Variants in HEATR5B observed in about 807,000 individuals in gnomAD.
HEATR5B encodes HEAT repeat containing 5B.
HEATR5B carries 156 observed loss-of-function variants against 224.1 expected under a neutral mutation model. That is an observed-to-expected ratio of 0.70 (90% confidence interval 0.61 to 0.80). The LOEUF (loss-of-function observed/expected upper bound fraction) is 0.80. Among genes scored for constraint, HEATR5B ranks in the 30% least tolerant of loss-of-function variants. HEATR5B has a pLI of 0.00. For synonymous variants in HEATR5B, 1,027 were observed against 893.0 expected (o/e 1.15, Z -2.68); for missense variants, 2,323 against 2,535.5 (o/e 0.92, Z 1.80).
chr2:36,987,701 G>C (rs1357566331), intron 35 of HEATR5B, among the ~76,000 whole-genome samples: 1 of 151,830 alleles, frequency 6.6e-6, no homozygotes, highest in Non-Finnish European at 1.5e-5. Context: ...ATTATGTTTG[G>C]TATTAATACT....
At chr2:37,072,399 T>C in intron 5 of HEATR5B, 118 bp from the exon 6 acceptor site, 1 of 640,014 alleles carries the variant, frequency 1.6e-6, no homozygotes, top group Non-Finnish European at 2.6e-6. Context: ...ACAAAATAAA[T>C]GAAACAACAG....
intron 18 of HEATR5B, among the ~76,000 whole-genome samples, chr2:37,043,679 A>G (rs1346145626): frequency 6.6e-6 from 1 of 152,206 alleles, no homozygotes. Context: ...CTTCATTGAC[A>G]TGGTTAAATT....
intron 31 of HEATR5B, 146 bp downstream of exon 31, chr2:37,003,396 A>G: frequency 1.8e-6 from 1 of 552,012 alleles, no homozygotes; most frequent in Non-Finnish European, 3.1e-6. Flanking sequence ...TAATCACATC[A>G]TTGCGCTCCA....
In HEATR5B at chr2:37,064,916, G is replaced by A. The variant is rs1258207580; in HGVS notation, c.1408C>T (p.Arg470Cys). 5 of 1,614,068 alleles carry A rather than the reference G, an allele frequency of 3.1e-6. No homozygotes were observed. Among genetic ancestry groups the A allele is most frequent in the East Asian group, 2.2e-5 (1 of 44,882 alleles). Residue 470 changes from arginine to cysteine, a missense_variant, in exon 10 of 36, where the codon CGC (arginine) becomes TGC (cysteine). Physicochemically the swap from Arg to Cys is radical, Grantham distance 180. This residue lies in a region of HEATR5B where 502 missense variants were observed against 517.8 expected (regional missense o/e 0.97). Coordinates refer to ENST00000233099, the MANE Select transcript of HEATR5B (RefSeq NM_019024.3). ...AAAGGTAATGCCACAGCCACACAGC[G>A]CAAACACCATGCAGCAGCAAGTCGG... is the stretch of plus-strand genomic sequence containing the variant. ...AARLAAAWCL[R>C]CVAVALPFQL...
chr2:36,983,856 G>A (rs1665750109), intron 35 of HEATR5B, among the ~76,000 whole-genome samples: 1 of 151,924 alleles, frequency 6.6e-6, no homozygotes, highest in Non-Finnish European at 1.5e-5. Context: ...TCAATAGTAG[G>A]TTTTCAACAG....
At chr2:37,083,853 TG>T (rs1289536999) in intron 1 of HEATR5B, among the ~76,000 whole-genome samples, 1 of 152,220 alleles carries the variant, frequency 6.6e-6, no homozygotes, top group Non-Finnish European at 1.5e-5. Context: ...CCTCCCGCGC[TG>T]CACCTGGCCA....
chr2:36,990,787 G>C lies in HEATR5B; in HGVS notation c.5558C>G (p.Pro1853Arg), dbSNP rs1287326763. The C allele has an allele frequency of 1.3e-6, 2 of 1,561,938 alleles. No individual in the cohort carries two copies. Among genetic ancestry groups the C allele is most frequent in the Non-Finnish European group, 1.7e-6 (2 of 1,154,780 alleles). Residue 1853 changes from proline to arginine, a missense_variant, in exon 34 of 36, where the codon CCT becomes CGT. Coordinates refer to ENST00000233099, the MANE Select transcript of HEATR5B (RefSeq NM_019024.3). ...LEYSQPEDSV[P>R]TPDEVSMLTA... Reference sequence around the variant, plus strand: ...TAGCATGCTTACTTCATCAGGTGTAGGTACAGAGTCTTCTGAAAATGAAAA... The same window carrying C: ...TAGCATGCTTACTTCATCAGGTGTACGTACAGAGTCTTCTGAAAATGAAAA...
At chr2:36,984,859 C>G (rs1371517300) in intron 35 of HEATR5B, among the ~76,000 whole-genome samples, 1 of 152,028 alleles carries the variant, frequency 6.6e-6, no homozygotes, top group East Asian at 1.9e-4. Flanking sequence ...TTATAGTTAT[C>G]TATTTAGGAG....
At chr2:37,033,666 T>G (rs947414726) in intron 21 of HEATR5B, among the ~76,000 whole-genome samples, 1 of 152,156 alleles carries the variant, frequency 6.6e-6, no homozygotes, top group African/African-American at 2.4e-5. Flanking sequence ...CAACATGGCA[T>G]AAAAGTTAAG....
chr2:36,983,005 G>A (rs1665688415), intron 35 of HEATR5B, among the ~76,000 whole-genome samples: 2 of 151,862 alleles, frequency 1.3e-5, no homozygotes, highest in South Asian at 2.1e-4. Flanking sequence ...TATTTCACGA[G>A]AAATTCTCAA....
chr2:37,043,740 C>G (rs1670016873), intron 18 of HEATR5B, among the ~76,000 whole-genome samples: 1 of 152,202 alleles, frequency 6.6e-6, no homozygotes. Context: ...TCATCACTTA[C>G]AAAAGTGTCT....
intron 19 of HEATR5B, 147 bp from the exon 20 acceptor site, chr2:37,040,665 T>C (rs774000180): frequency 8.4e-6 from 5 of 594,318 alleles, no homozygotes; most frequent in Non-Finnish European, 1.5e-5. Flanking sequence ...GATGTTTTCA[T>C]ACACATTCTT....
chr2:36,996,916 C>T (rs1050562663), intron 33 of HEATR5B, among the ~76,000 whole-genome samples: 9 of 151,862 alleles, frequency 5.9e-5, no homozygotes, highest in Admixed American at 2.0e-4. Context: ...TTAGTAGAAA[C>T]GGGGTTTCAC....
Position 37,007,123 on chromosome 2 carries a change from G to GT in HEATR5B, c.4703dup (p.Asn1568LysfsTer9), listed in dbSNP as rs754872517. The GT allele has an allele frequency of 6.2e-7, 1 of 1,614,038 alleles. No homozygotes were observed. Among genetic ancestry groups the GT allele is most frequent in the South Asian group, 1.1e-5 (1 of 91,074 alleles). On this transcript the variant is annotated frameshift_variant, in exon 29 of 36. Coordinates refer to ENST00000233099, the MANE Select transcript of HEATR5B (RefSeq NM_019024.3). LOFTEE classifies it high-confidence loss of function. ...CACTACCCACTGCTCCTGATGCCTGGTTTAAATTGACAGATGTAGAACGTT... is the reference window on the plus strand; with the variant it reads ...CACTACCCACTGCTCCTGATGCCTGGTTTTAAATTGACAGATGTAGAACGTT...
chr2:37,052,789 G>A (rs1670641647), intron 17 of HEATR5B, among the ~76,000 whole-genome samples: 2 of 152,222 alleles, frequency 1.3e-5, no homozygotes, highest in Admixed American at 1.3e-4. Context: ...GGTAGAAAGT[G>A]TGGAATCACT....
At position 37,040,289 on chromosome 2, in the gene HEATR5B, TTATC is replaced by T. The variant is rs777055456; in HGVS notation, c.3046+36_3046+39del. Reference sequence around the variant, plus strand: ...TATTCAGGAAATTTAAAGATACTGATTATCTAACTAGGTTCCTTAATTTCAGATG... The same window carrying T: ...TATTCAGGAAATTTAAAGATACTGATTAACTAGGTTCCTTAATTTCAGATG... On this transcript the variant is annotated intron_variant, in intron 20 of 35. Transcript: ENST00000233099. The T allele has an allele frequency of 2.4e-5, 35 of 1,473,514 alleles. No individual in the cohort carries two copies. In the South Asian group the frequency reaches 2.5e-4, roughly 10 times the overall value. The allele number at this position is 1,473,514 out of a possible 1,614,324, so 91.3% of individuals were successfully genotyped here.
intron 6 of HEATR5B, among the ~76,000 whole-genome samples, chr2:37,071,319 G>A (rs929443583): frequency 6.6e-6 from 1 of 152,090 alleles, no homozygotes; most frequent in Non-Finnish European, 1.5e-5. Flanking sequence ...ACAAGACTGG[G>A]GCAGGGTTCA....
chr2:37,012,493 T>A (rs1262732052), intron 27 of HEATR5B, among the ~76,000 whole-genome samples: 2 of 151,968 alleles, frequency 1.3e-5, no homozygotes, highest in African/African-American at 2.4e-5. Context: ...CGGGTTCAAG[T>A]GATTCTCCTG....
intron 9 of HEATR5B, 128 bp downstream of exon 9, chr2:37,065,622 ATTAAT>A (rs1671542222): frequency 6.2e-6 from 5 of 804,562 alleles, no homozygotes; most frequent in African/African-American, 1.7e-5. Flanking sequence ...CACAATGAAT[ATTAAT>A]TTAAGTAAAA....
Sources: gnomAD v4.1 joint callset for allele counts (sites outside exome capture counted in the v4.1 genomes callset) on GRCh38, gnomAD v4.1.1 for gene constraint, gnomAD v4.1.1 regional missense constraint, MANE v1.5 for transcripts, NCBI Gene and HGNC (gene_info 2026-07-23, HGNC 2026-07-21) for gene names.